The following RELN variants were observed in gnomAD, a reference collection of about 807,000 sequenced individuals.
RELN encodes reelin.
A neutral mutation model predicts 427.6 loss-of-function variants in RELN; 108 were observed. The observed-to-expected ratio is 0.25, with a 90% CI of 0.22 to 0.30. The LOEUF is 0.30. Among genes scored for constraint, RELN ranks in the 10% least tolerant of loss-of-function variants. The pLI is 1.00. For missense variants in RELN, 3,715 were observed against 4,302.8 expected, an observed-to-expected ratio of 0.86 and a Z score of 3.82; for synonymous variants, 1,524 against 1,513.4, an observed-to-expected ratio of 1.01 and a Z score of -0.16.
chr7:103,956,917 A>G (rs139561000), intron 1 of RELN, among the ~76,000 whole-genome samples: 39 of 152,234 alleles, frequency 2.6e-4, no homozygotes, highest in African/African-American at 9.1e-4. Flanking sequence ...GGATGAATGG[A>G]TATTTTTGGT....
At chr7:103,804,660 C>G (rs564252412) in intron 3 of RELN, among the ~76,000 whole-genome samples, 1 of 152,132 alleles carries the variant, frequency 6.6e-6, no homozygotes, top group Non-Finnish European at 1.5e-5. Context: ...CAAGATCTTT[C>G]AGACAGATCT....
rs2117118185 is a variant in RELN, at chr7:103,535,321, A to G, written c.7344T>C (p.Tyr2448=). The G allele has an allele frequency of 2.5e-6, 4 of 1,613,930 alleles. No individual in the cohort carries two copies. The highest frequency in any genetic ancestry group is 2.7e-5 in the African/African-American group (2 of 75,046). ...WTRITLPLPP[Y]TRSQATRFRW... ...ACATGTAGAAGCATTCTTACCTGGT[A>G]TAAGGAGGGAGAGGCAGAGTGATTC... Residue 2448 remains tyrosine (Y), a synonymous_variant, in exon 46 of 65, where the codon TAT becomes TAC. Transcript: ENST00000428762.
chr7:103,506,854 C>T (rs761708490), intron 51 of RELN, among the ~76,000 whole-genome samples: 16 of 152,074 alleles, frequency 1.1e-4, no homozygotes, highest in Admixed American at 2.6e-4. Context: ...ATCAAGCAAA[C>T]GGAAAGCACA....
At chr7:103,813,607 G>T (rs1250452514) in intron 3 of RELN, among the ~76,000 whole-genome samples, 3 of 151,786 alleles carry the variant, frequency 2.0e-5, no homozygotes, top group Non-Finnish European at 4.4e-5. Context: ...TCATTATATG[G>T]ACATAACTGA....
chr7:103,643,707 AC>A (rs1832740313), intron 16 of RELN, among the ~76,000 whole-genome samples: 1 of 152,070 alleles, frequency 6.6e-6, no homozygotes. Context: ...CTTGTTAGAA[AC>A]CTTATAAGCC....
At chr7:103,794,335 T>C (rs1198714684) in intron 3 of RELN, among the ~76,000 whole-genome samples, 1 of 152,108 alleles carries the variant, frequency 6.6e-6, no homozygotes, top group African/African-American at 2.4e-5. Context: ...GTAGGACAGA[T>C]TTCATGCTTC....
chr7:103,989,356 T>TGCCTCC lies in RELN; in HGVS notation c.-1_1insGGAGGC, dbSNP rs1563128175. ...TGCCGGGCCCAGCCACTGCGCTCCA[T>TGCCTCC]GCCGCCGCCGCCGCCGCCGCCGCCG... is the stretch of plus-strand genomic sequence containing the variant. On this transcript the variant is annotated 5_prime_UTR_variant, in exon 1 of 65. Transcript: ENST00000428762. This position sits in a 1 kb window ranked among gnomAD's most constrained non-coding sequence, Gnocchi z 4.9. 5.0e-6 allele frequency: 7 copies of TGCCTCC among 1,408,132 alleles called. No individual in the cohort carries two copies. Among genetic ancestry groups the TGCCTCC allele is most frequent in the Non-Finnish European group, 4.6e-6 (5 of 1,082,342 alleles). The allele number at this position is 1,408,132 out of a possible 1,614,324, so 87.2% of individuals were successfully genotyped here. A position where few individuals can be genotyped will look rare whatever the true frequency, so the allele number is the denominator to read the frequency against.
rs966943922 is a variant in RELN at position 103,673,435 on chromosome 7, A to G, written c.1289+8681T>C. The stretch of plus-strand genomic sequence containing the variant: ...TTCCCTTTCCTGTCAGCCACCTTCT[A>G]TACTTTTCATGTTGCAATCTTCTGC... On this transcript the variant is annotated intron_variant, in intron 11 of 64. Transcript: ENST00000428762. 6.6e-5 allele frequency among the ~76,000 whole-genome samples: 10 copies of G among 152,212 alleles called. No homozygotes were observed. In the East Asian group the frequency reaches 1.4e-3, roughly 21 times the overall value.
intron 1 of RELN, among the ~76,000 whole-genome samples, chr7:103,942,299 TC>T (rs994716828): frequency 6.6e-6 from 1 of 152,118 alleles, no homozygotes; most frequent in Non-Finnish European, 1.5e-5. Flanking sequence ...TCTTCCACCC[TC>T]CCCGACAATC....
At chr7:103,730,937 T>G (rs581081) in intron 6 of RELN, among the ~76,000 whole-genome samples, 36,118 of 152,010 alleles carry the variant, frequency 0.24, 4,497 homozygotes, top group East Asian at 0.33. Flanking sequence ...CAAATTTAGG[T>G]TGAGGGCTCA....
At chr7:103,745,384 C>T (rs1298216915) in intron 6 of RELN, among the ~76,000 whole-genome samples, 2 of 151,762 alleles carry the variant, frequency 1.3e-5, no homozygotes, top group African/African-American at 2.4e-5. Flanking sequence ...CTCACCACTC[C>T]TATTCAACAT....
chr7:103,496,445 T>A, intron 56 of RELN, 81 bp downstream of exon 56: 1 of 1,578,386 alleles, frequency 6.3e-7, no homozygotes, highest in East Asian at 2.2e-5. Flanking sequence ...TATAAATGCT[T>A]TTCATGTGCT....
intron 1 of RELN, among the ~76,000 whole-genome samples, chr7:103,924,026 T>C (rs1170474783): frequency 1.3e-5 from 2 of 152,188 alleles, no homozygotes; most frequent in African/African-American, 2.4e-5. Context: ...GTGCCTTAAC[T>C]AGCATGTGAA....
chr7:103,926,455 A>G (rs937485754), intron 1 of RELN, among the ~76,000 whole-genome samples: 4 of 151,998 alleles, frequency 2.6e-5, no homozygotes, highest in African/African-American at 9.7e-5. Context: ...AAATATGTTC[A>G]TATTTGCAAC....
chr7:103,544,258 A>T (rs1480857736), intron 42 of RELN, among the ~76,000 whole-genome samples: 28 of 62,606 alleles, frequency 4.5e-4, no homozygotes, highest in South Asian at 2.0e-3. Context: ...TTTTTTTTTG[A>T]GATGGAGTCT....
At chr7:103,962,341 G>A (rs986733498) in intron 1 of RELN, among the ~76,000 whole-genome samples, 9 of 151,916 alleles carry the variant, frequency 5.9e-5, no homozygotes, top group African/African-American at 1.9e-4. Flanking sequence ...TCAGAACTGC[G>A]GCACTCTTTG....
At chr7:103,479,553 TGA>T (rs1016027359) in intron 63 of RELN, among the ~76,000 whole-genome samples, 2 of 152,088 alleles carry the variant, frequency 1.3e-5, no homozygotes, top group African/African-American at 4.8e-5. Context: ...TTGGAAAATA[TGA>T]GAGTGGGAAG....
rs188691914 is a variant in RELN at position 103,903,905 on chromosome 7, T to C, written c.337+13170A>G. On this transcript the variant is annotated intron_variant, in intron 2 of 64. Transcript: ENST00000428762. ...AGAATGTGCAGGTTTGTTACATAGG[T>C]ATACATGTGCCACAGTGGTTTGCTG... 3.1e-3 allele frequency among the ~76,000 whole-genome samples: 476 copies of C among 152,136 alleles called. 3 individuals carry two copies. Among genetic ancestry groups the C allele is most frequent in the African/African-American group, 0.011 (458 of 41,496 alleles).
At chr7:103,536,567 C>T (rs1222300055) in intron 45 of RELN, among the ~76,000 whole-genome samples, 2 of 152,338 alleles carry the variant, frequency 1.3e-5, no homozygotes, top group East Asian at 1.9e-4. Context: ...AGACCACACA[C>T]TGCCCTAAGG....
Sources: gnomAD v4.1 joint callset for allele counts (sites outside exome capture counted in the v4.1 genomes callset) on GRCh38, gnomAD v4.1.1 for gene constraint, Gnocchi (gnomAD v3.1) non-coding constraint, MANE v1.5 for transcripts, NCBI Gene and HGNC (gene_info 2026-07-23, HGNC 2026-07-21) for gene names.